The following ZNF423 variants were observed in gnomAD, a reference collection of about 807,000 sequenced individuals.
The protein encoded by ZNF423 is zinc finger protein 423.
A neutral mutation model predicts 95.8 loss-of-function variants in ZNF423; 12 were observed. The ratio of observed to expected loss-of-function variants is 0.13; its 90% CI spans 0.08 to 0.20. ZNF423 has a LOEUF of 0.20. Among genes scored for constraint, ZNF423 ranks in the 10% least tolerant of loss-of-function variants. The probability of loss-of-function intolerance (pLI) is 1.00; values close to 1 mark genes in which losing one functional copy is unlikely to be tolerated. For missense variants in ZNF423, 1,316 were observed against 1,737.1 expected (o/e 0.76, Z 4.31); for synonymous variants, 749 against 711.9 (o/e 1.05, Z -0.83).
In ZNF423 at chr16:49,499,623, G is replaced by A. The variant is rs76958830; in HGVS notation, c.3850-8319C>T. 3.8e-3 allele frequency among the ~76,000 whole-genome samples: 577 copies of A among 152,304 alleles called. 4 individuals carry two copies. The highest frequency in any genetic ancestry group is 0.012 in the African/African-American group (513 of 41,576). On this transcript the variant is annotated intron_variant, in intron 7 of 7. Coordinates refer to ENST00000563137, the MANE Select transcript of ZNF423 (RefSeq NM_001379286.1). ...TGTTCTTGAGATGCTCTATGGAGCC[G>A]AGGCGGGGAGGAGGGTGCCCCCCAC...
intron 3 of ZNF423, among the ~76,000 whole-genome samples, chr16:49,664,433 T>C (rs2030428594): frequency 6.6e-6 from 1 of 152,084 alleles, no homozygotes; most frequent in Non-Finnish European, 1.5e-5. Flanking sequence ...CGCGGCCAGA[T>C]GTTGACCCAG....
intron 5 of ZNF423, among the ~76,000 whole-genome samples, chr16:49,622,472 G>C (rs139072532): frequency 1.3e-5 from 2 of 152,008 alleles, no homozygotes; most frequent in Non-Finnish European, 2.9e-5. Flanking sequence ...CACCCTCGCA[G>C]CCTGGCAGAA....
intron 1 of ZNF423, among the ~76,000 whole-genome samples, chr16:49,789,764 G>A (rs1279046062): frequency 6.6e-6 from 1 of 152,170 alleles, no homozygotes; most frequent in Non-Finnish European, 1.5e-5. Context: ...TTAAGTGCTG[G>A]ATCAGTTATG....
chr16:49,670,021 C>T (rs1003701286), intron 3 of ZNF423, among the ~76,000 whole-genome samples: 1 of 152,228 alleles, frequency 6.6e-6, no homozygotes, highest in African/African-American at 2.4e-5. Flanking sequence ...CCCCATCTGT[C>T]CGTTCCCCTG....
At chr16:49,835,989 G>A (rs965903969) in intron 1 of ZNF423, among the ~76,000 whole-genome samples, 1 of 152,180 alleles carries the variant, frequency 6.6e-6, no homozygotes, top group Non-Finnish European at 1.5e-5. Flanking sequence ...GAGGCCCAGA[G>A]GACAGGGCCC....
intron 3 of ZNF423, among the ~76,000 whole-genome samples, chr16:49,708,535 C>T (rs888139623): frequency 1.2e-4 from 19 of 152,072 alleles, no homozygotes; most frequent in African/African-American, 4.6e-4. Flanking sequence ...AGTGATCTGC[C>T]CGTCTCGGCT....
chr16:49,550,514 C>T (rs1969595378), intron 5 of ZNF423, among the ~76,000 whole-genome samples: 1 of 152,250 alleles, frequency 6.6e-6, no homozygotes, highest in Non-Finnish European at 1.5e-5. Flanking sequence ...GACTGCTTGG[C>T]CAAGGCCACA....
At chr16:49,625,358 A>C (rs944461958) in intron 5 of ZNF423, among the ~76,000 whole-genome samples, 1 of 152,210 alleles carries the variant, frequency 6.6e-6, no homozygotes, top group African/African-American at 2.4e-5. Context: ...GTCTAAAATA[A>C]AAAATTAACA....
intron 1 of ZNF423, chr16:49,854,220 C>G: frequency 1.1e-5 from 11 of 985,406 alleles, no homozygotes; most frequent in Non-Finnish European, 1.3e-5. Flanking sequence ...GTGAGGCGAA[C>G]AAGACCAACT....
intron 4 of ZNF423, among the ~76,000 whole-genome samples, chr16:49,634,745 C>T (rs1332348317): frequency 6.6e-6 from 1 of 152,184 alleles, no homozygotes; most frequent in East Asian, 1.9e-4. Flanking sequence ...GGGAACCCCA[C>T]ACCTGTGCTG....
At chr16:49,739,895 G>A (rs2033378503) in intron 2 of ZNF423, among the ~76,000 whole-genome samples, 1 of 151,740 alleles carries the variant, frequency 6.6e-6, no homozygotes, top group East Asian at 1.9e-4. Context: ...GTCTTGCTGT[G>A]TCACCCAGGC....
intron 3 of ZNF423, among the ~76,000 whole-genome samples, chr16:49,730,268 C>A (rs964375387): frequency 6.6e-5 from 10 of 152,150 alleles, no homozygotes; most frequent in Admixed American, 4.6e-4. Flanking sequence ...TCCCAGCTAC[C>A]CTTCTCCTCC....
At chr16:49,654,824 A>G (rs1381420470) in intron 3 of ZNF423, among the ~76,000 whole-genome samples, 1 of 152,230 alleles carries the variant, frequency 6.6e-6, no homozygotes, top group Non-Finnish European at 1.5e-5. Flanking sequence ...TTTCAGCAAA[A>G]GAGAGGGCAG....
chr16:49,605,031 C>T (rs1217197860), intron 5 of ZNF423, among the ~76,000 whole-genome samples: 1 of 152,214 alleles, frequency 6.6e-6, no homozygotes, highest in Non-Finnish European at 1.5e-5. Context: ...TATTGGCTTC[C>T]ATGCCCATAA....
At chr16:49,774,905 C>G (rs950764349) in intron 2 of ZNF423, among the ~76,000 whole-genome samples, 7 of 152,092 alleles carry the variant, frequency 4.6e-5, no homozygotes, top group Non-Finnish European at 1.0e-4. Context: ...TTTAAGAACC[C>G]TCTCTATGAC....
At chr16:49,777,444 G>A (rs1386876157) in intron 2 of ZNF423, among the ~76,000 whole-genome samples, 4 of 152,196 alleles carry the variant, frequency 2.6e-5, no homozygotes, top group African/African-American at 4.8e-5. Flanking sequence ...TGTATGTTGT[G>A]TGTGCACATG....
At chr16:49,797,149 G>C (rs946856816) in intron 1 of ZNF423, among the ~76,000 whole-genome samples, 1 of 152,124 alleles carries the variant, frequency 6.6e-6, no homozygotes, top group Non-Finnish European at 1.5e-5. Context: ...AGGGGACAGC[G>C]AGAGACCCAA....
chr16:49,555,083 T>TA (rs912249570), intron 5 of ZNF423, among the ~76,000 whole-genome samples: 12 of 151,794 alleles, frequency 7.9e-5, no homozygotes, highest in Admixed American at 2.6e-4. Flanking sequence ...AATTAAATGT[T>TA]AAAAAAAAAT....
chr16:49,509,985 G>A (rs958960156), intron 7 of ZNF423, among the ~76,000 whole-genome samples: 3 of 152,190 alleles, frequency 2.0e-5, no homozygotes, highest in South Asian at 2.1e-4. Context: ...TGCTACCATC[G>A]TCCTTCACCT....
Sources: gnomAD v4.1 joint callset for allele counts (sites outside exome capture counted in the v4.1 genomes callset) on GRCh38, gnomAD v4.1.1 for gene constraint, MANE v1.5 for transcripts, NCBI Gene and HGNC (gene_info 2026-07-23, HGNC 2026-07-21) for gene names.